LHFPL3: variants seen among roughly 807,000 people sequenced by gnomAD.
The protein encoded by LHFPL3 is LHFPL tetraspan subfamily member 3, also known as LHFPL tetraspan subfamily member 3 protein.
LHFPL3 carries 5 observed loss-of-function variants against 19.3 expected under a neutral mutation model. The ratio of observed to expected loss-of-function variants is 0.26; its 90% confidence interval spans 0.14 to 0.54. The LOEUF (loss-of-function observed/expected upper bound fraction) is 0.54. Ranked by LOEUF, LHFPL3 falls within the 20% of genes least tolerant of loss-of-function variation. The probability of loss-of-function intolerance (pLI) is 0.94; values close to 1 mark genes in which losing one functional copy is unlikely to be tolerated. For missense variants in LHFPL3, 249 were observed against 307.4 expected, an observed-to-expected ratio of 0.81 and a Z score of 1.42; for synonymous variants, 133 against 126.2, an observed-to-expected ratio of 1.05 and a Z score of -0.36.
At chr7:104,899,411 A>G (rs991611902) in intron 2 of LHFPL3, among the ~76,000 whole-genome samples, 4 of 152,096 alleles carry the variant, frequency 2.6e-5, no homozygotes. Context: ...AGGAAGGCCA[A>G]TTGACTTCAA....
chr7:104,600,381 A>G (rs979490229), intron 1 of LHFPL3, among the ~76,000 whole-genome samples: 1 of 152,122 alleles, frequency 6.6e-6, no homozygotes, highest in Admixed American at 6.5e-5. Flanking sequence ...AATTCTATAC[A>G]CTTTCCATAT....
chr7:104,582,634 A>G (rs772564087), intron 1 of LHFPL3, among the ~76,000 whole-genome samples: 10 of 151,930 alleles, frequency 6.6e-5, no homozygotes, highest in Non-Finnish European at 1.0e-4. Flanking sequence ...TTTCTGTTTT[A>G]CTAGCATCTG....
chr7:104,727,473 TG>T (rs1252223836), intron 1 of LHFPL3, among the ~76,000 whole-genome samples: 1 of 152,116 alleles, frequency 6.6e-6, no homozygotes, highest in East Asian at 1.9e-4. Context: ...ACATTTAAGG[TG>T]GACCAAAGAC....
chr7:104,777,945 C>A lies in LHFPL3; in HGVS notation c.682+41034C>A, dbSNP rs79229831. 5.2e-3 allele frequency among the ~76,000 whole-genome samples: 788 copies of A among 152,216 alleles called. 4 individuals are homozygous for A. Among genetic ancestry groups the A allele is most frequent in the African/African-American group, 0.018 (743 of 41,528 alleles). ...TTCACCAGTTTCTTATTGGCCTGTG[C>A]AAGATTTTATGTCTAAGAGAGACAT... On this transcript the variant is annotated intron_variant, in intron 2 of 2. Transcript: ENST00000424859.
intron 1 of LHFPL3, among the ~76,000 whole-genome samples, chr7:104,574,632 C>G (rs533649653): frequency 4.6e-5 from 7 of 152,262 alleles, no homozygotes; most frequent in Admixed American, 2.6e-4. Flanking sequence ...GAATTGCAAA[C>G]ATGGGTATTG....
chr7:104,871,502 C>T (rs913465702), intron 2 of LHFPL3, among the ~76,000 whole-genome samples: 1 of 152,104 alleles, frequency 6.6e-6, no homozygotes, highest in African/African-American at 2.4e-5. Flanking sequence ...ACTTAGGCTA[C>T]ACTAAATTTA....
At chr7:104,815,897 C>G (rs1264175043) in intron 2 of LHFPL3, among the ~76,000 whole-genome samples, 2 of 152,188 alleles carry the variant, frequency 1.3e-5, no homozygotes, top group East Asian at 1.9e-4. Context: ...GTCCCTCCCC[C>G]TTTCCCCTTT....
intron 1 of LHFPL3, among the ~76,000 whole-genome samples, chr7:104,347,133 C>T (rs1265779023): frequency 1.3e-5 from 2 of 151,984 alleles, no homozygotes; most frequent in African/African-American, 4.8e-5. Context: ...GTATCACCAT[C>T]GCCATTGTCT....
intron 1 of LHFPL3, among the ~76,000 whole-genome samples, chr7:104,606,186 C>T (rs1791096998): frequency 6.6e-6 from 1 of 152,138 alleles, no homozygotes; most frequent in Non-Finnish European, 1.5e-5. Flanking sequence ...GATGGCAGAA[C>T]TTGGGAGCTG....
intron 1 of LHFPL3, among the ~76,000 whole-genome samples, chr7:104,518,844 T>TAA (rs1562923352): frequency 4.8e-5 from 7 of 146,804 alleles, no homozygotes; most frequent in African/African-American, 1.8e-4. Flanking sequence ...GATAGATAGA[T>TAA]AGAATAAATA....
At chr7:104,536,362 A>T (rs1220204965) in intron 1 of LHFPL3, among the ~76,000 whole-genome samples, 1 of 152,164 alleles carries the variant, frequency 6.6e-6, no homozygotes, top group Admixed American at 6.5e-5. Context: ...GATATCAAAT[A>T]CAGATGAATT....
At chr7:104,446,905 A>G (rs1230605818) in intron 1 of LHFPL3, among the ~76,000 whole-genome samples, 2 of 152,174 alleles carry the variant, frequency 1.3e-5, no homozygotes, top group Non-Finnish European at 2.9e-5. Flanking sequence ...TTAGTCTGAA[A>G]AACATTTTGT....
intron 1 of LHFPL3, among the ~76,000 whole-genome samples, chr7:104,406,297 G>C (rs1351360778): frequency 6.6e-6 from 1 of 152,132 alleles, no homozygotes; most frequent in Non-Finnish European, 1.5e-5. Context: ...CATCTTTGTA[G>C]GCAATAGATG....
chr7:104,605,258 C>G (rs766250120), intron 1 of LHFPL3, among the ~76,000 whole-genome samples: 8 of 152,120 alleles, frequency 5.3e-5, no homozygotes, highest in Non-Finnish European at 1.2e-4. Context: ...CCTTTAACCT[C>G]TCTCCCCTTT....
chr7:104,789,590 G>A (rs1460019364), intron 2 of LHFPL3, among the ~76,000 whole-genome samples: 7 of 151,914 alleles, frequency 4.6e-5, no homozygotes, highest in Non-Finnish European at 7.4e-5. Context: ...TCCTATTTTC[G>A]AGTGTCAGTG....
intron 1 of LHFPL3, among the ~76,000 whole-genome samples, chr7:104,555,981 C>T (rs546648021): frequency 2.8e-4 from 42 of 152,358 alleles, no homozygotes; most frequent in African/African-American, 9.4e-4. Flanking sequence ...CCAAAATGAT[C>T]TCCTTTGACT....
At chr7:104,696,025 A>T (rs1414257452) in intron 1 of LHFPL3, among the ~76,000 whole-genome samples, 1 of 152,134 alleles carries the variant, frequency 6.6e-6, no homozygotes, top group Non-Finnish European at 1.5e-5. Flanking sequence ...ATCTTGGCTC[A>T]CTGCAACCTC....
intron 1 of LHFPL3, among the ~76,000 whole-genome samples, chr7:104,407,246 C>T (rs76108731): frequency 0.031 from 4,782 of 152,318 alleles, 217 homozygotes; most frequent in East Asian, 0.16. Flanking sequence ...CCGTCTTTAA[C>T]TATTTTTAAA....
intron 1 of LHFPL3, among the ~76,000 whole-genome samples, chr7:104,662,523 A>G (rs1792244373): frequency 6.6e-6 from 1 of 152,202 alleles, no homozygotes; most frequent in Non-Finnish European, 1.5e-5. Context: ...GGTCAAATTC[A>G]GGCAGCTTGG....
Sources: allele counts gnomAD v4.1 joint callset (sites outside exome capture counted in the v4.1 genomes callset), GRCh38; gene constraint gnomAD v4.1.1; transcripts MANE v1.5; gene names NCBI Gene and HGNC (gene_info 2026-07-23, HGNC 2026-07-21).